The following DCBLD2 variants were observed in gnomAD, a reference collection of about 807,000 sequenced individuals.
DCBLD2 encodes the protein discoidin, CUB and LCCL domain-containing protein 2.
In DCBLD2, 54 loss-of-function variants were observed where a neutral mutation model predicts 86.8. That is an observed-to-expected ratio of 0.62 (90% CI 0.50 to 0.78). The LOEUF (loss-of-function observed/expected upper bound fraction) is 0.78. DCBLD2 is among the 30% of genes least tolerant of loss of function. The probability of loss-of-function intolerance (pLI) is 0.00; values close to 1 mark genes in which losing one functional copy is unlikely to be tolerated. For synonymous variants in DCBLD2, 354 were observed against 341.3 expected (o/e 1.04, Z -0.41); for missense variants, 908 against 954.2 (o/e 0.95, Z 0.64).
At chr3:98,850,752 C>T (rs1362146936) in intron 2 of DCBLD2, among the ~76,000 whole-genome samples, 1 of 149,638 alleles carries the variant, frequency 6.7e-6, no homozygotes, top group African/African-American at 2.5e-5. Flanking sequence ...ACAAATAAAA[C>T]AAAACAAAAC....
intron 3 of DCBLD2, among the ~76,000 whole-genome samples, chr3:98,831,116 G>GAGTGC (rs1381545670): frequency 6.6e-6 from 1 of 151,624 alleles, no homozygotes; most frequent in African/African-American, 2.4e-5. Flanking sequence ...GCCCAGGCTG[G>GAGTGC]AGTGCAGTGC....
chr3:98,876,677 A>G (rs1167430857), intron 2 of DCBLD2, among the ~76,000 whole-genome samples: 3 of 151,708 alleles, frequency 2.0e-5, no homozygotes, highest in Non-Finnish European at 2.9e-5. Flanking sequence ...CTTTTGACTC[A>G]GCAATCACTT....
chr3:98,851,166 C>T (rs1372273610), intron 2 of DCBLD2, among the ~76,000 whole-genome samples: 1 of 152,180 alleles, frequency 6.6e-6, no homozygotes, highest in Non-Finnish European at 1.5e-5. Flanking sequence ...TCTTTGTTTG[C>T]AGATGACATG....
At chr3:98,804,061 A>C (rs1468425276) in intron 13 of DCBLD2, among the ~76,000 whole-genome samples, 5 of 152,212 alleles carry the variant, frequency 3.3e-5, no homozygotes, top group Non-Finnish European at 7.3e-5. Flanking sequence ...CTGGCCTCAT[A>C]AAATGAGTTA....
chr3:98,847,063 C>G (rs539329602), intron 3 of DCBLD2, among the ~76,000 whole-genome samples: 1 of 152,124 alleles, frequency 6.6e-6, no homozygotes, highest in African/African-American at 2.4e-5. Flanking sequence ...ATAAGTAAAA[C>G]TTAAAGGACG....
intron 2 of DCBLD2, among the ~76,000 whole-genome samples, chr3:98,862,021 T>TA (rs1943053606): frequency 6.6e-6 from 1 of 151,554 alleles, no homozygotes; most frequent in Non-Finnish European, 1.5e-5. Flanking sequence ...ATAGACGCAA[T>TA]AAAAAATGAT....
At chr3:98,867,922 C>T (rs1013824067) in intron 2 of DCBLD2, among the ~76,000 whole-genome samples, 5 of 151,998 alleles carry the variant, frequency 3.3e-5, no homozygotes, top group African/African-American at 1.2e-4. Context: ...CCTGCCTCAG[C>T]CTCCTGCATA....
intron 9 of DCBLD2, chr3:98,812,782 C>T (rs1941960017): frequency 4.9e-6 from 1 of 203,498 alleles, no homozygotes; most frequent in Admixed American, 5.8e-5. Flanking sequence ...TCCAGTGAGA[C>T]AATTTATCCT....
intron 9 of DCBLD2, chr3:98,815,668 TA>T (rs1559771624): frequency 6.6e-6 from 1 of 152,010 alleles, no homozygotes; most frequent in African/African-American, 2.4e-5. Context: ...GTTCCAGAGA[TA>T]GAGAAAAGCA....
chr3:98,811,471 T>C lies in DCBLD2; in HGVS notation c.1447A>G (p.Lys483Glu), dbSNP rs1185108366. ...KNTTAPPKIA[K>E]GRAPKFTQPL... ...CTCACATTAAAAACAGGCATACCTT[T>C]GGCTATTTTTGGAGGGGCTGTAGTG... Residue 483 changes from lysine to glutamate, a missense_variant, in exon 11 of 16, where the codon AAA becomes GAA. Transcript: ENST00000326840. 6.2e-7 allele frequency: 1 copy of C among 1,613,526 alleles called. No homozygotes were observed. The highest frequency in any genetic ancestry group is 1.3e-5 in the African/African-American group (1 of 74,914).
chr3:98,860,536 C>T (rs552115384), intron 2 of DCBLD2, among the ~76,000 whole-genome samples: 2 of 152,202 alleles, frequency 1.3e-5, no homozygotes, highest in African/African-American at 2.4e-5. Context: ...TCAGGAGAAA[C>T]TCTACAAGCC....
rs768284877 is a variant in DCBLD2, at chr3:98,819,359, T to G, written c.930A>C (p.Ala310=). ...GGTCAGTCCACTCCAGCACAGATGA[T>G]GCTGTTATTTGAGGATCCGCGATCA... ...SGVIADPQIT[A]SSVLEWTDHT... is the part of the protein sequence containing the mutation. Residue 310 remains alanine, a synonymous_variant, in exon 8 of 16, where the codon GCA becomes GCC. Coordinates refer to ENST00000326840, the MANE Select transcript of DCBLD2 (RefSeq NM_080927.4). 1 of 1,613,788 alleles carries G rather than the reference T, an allele frequency of 6.2e-7. No homozygotes were observed. Among genetic ancestry groups the G allele is most frequent in the East Asian group, 2.2e-5 (1 of 44,874 alleles).
chr3:98,827,882 A>C (rs894656673), intron 3 of DCBLD2, among the ~76,000 whole-genome samples: 5 of 152,254 alleles, frequency 3.3e-5, no homozygotes, highest in African/African-American at 1.2e-4. Flanking sequence ...ATAAGTCATC[A>C]TAATCAAAGG....
chr3:98,849,169 C>CA (rs11328978), intron 3 of DCBLD2, among the ~76,000 whole-genome samples: 3 of 143,242 alleles, frequency 2.1e-5, no homozygotes, highest in African/African-American at 7.7e-5. Flanking sequence ...AACTCTGTCT[C>CA]AAAAAAAAAA....
intron 13 of DCBLD2, among the ~76,000 whole-genome samples, chr3:98,806,367 TCTG>T (rs1211713235): frequency 6.6e-6 from 1 of 152,236 alleles, no homozygotes; most frequent in Non-Finnish European, 1.5e-5. Flanking sequence ...AAAATTAGCT[TCTG>T]CTGCTGCGGG....
chr3:98,866,392 G>A (rs945620569), intron 2 of DCBLD2, among the ~76,000 whole-genome samples: 27 of 152,178 alleles, frequency 1.8e-4, no homozygotes, highest in Non-Finnish European at 2.8e-4. Flanking sequence ...ACTTTTTAAT[G>A]ATCACCATTC....
At chr3:98,799,878 C>G in intron 15 of DCBLD2, 37 bp from the exon 16 acceptor site, 1 of 1,524,826 alleles carries the variant, frequency 6.6e-7, no homozygotes. Context: ...AGTCATTTTA[C>G]TAGTAAAGAG....
rs150228086 is a variant in DCBLD2 at position 98,896,326 on chromosome 3, C to G, written c.205+4796G>C. Among the ~76,000 whole-genome samples, 822 of 152,230 alleles carry G rather than the reference C, an allele frequency of 5.4e-3. 7 individuals carry two copies. Among genetic ancestry groups the G allele is most frequent in the African/African-American group, 0.019 (778 of 41,544 alleles). On this transcript the variant is annotated intron_variant, in intron 1 of 15. Transcript: ENST00000326840. ...TGAAAAATTAGCCTGATATTTGTTT[C>G]TAAACTAACATTTTGAACTGAAATA...
rs1553731646 is a variant in DCBLD2 at position 98,870,743 on chromosome 3, A to AAGAAAGAAAGAAAGAAAG, written c.433+10779_433+10796dup. 9.5e-3 allele frequency among the ~76,000 whole-genome samples: 782 copies of AAGAAAGAAAGAAAGAAAG among 82,728 alleles called. 12 individuals are homozygous for AAGAAAGAAAGAAAGAAAG. Among genetic ancestry groups the AAGAAAGAAAGAAAGAAAG allele is most frequent in the South Asian group, 0.016 (30 of 1,854 alleles). The allele number at this position is 82,728 out of a possible 152,430, so 54.3% of individuals were successfully genotyped here. On this transcript the variant is annotated intron_variant, in intron 2 of 15. Transcript: ENST00000326840. ...AAGGAAAAGAAAAGAAAGAAAAAGA[A>AAGAAAGAAAGAAAGAAAG]AGAAAGAAAGAAAGAAAGAAAGAAA...
Sources: allele counts gnomAD v4.1 joint callset (sites outside exome capture counted in the v4.1 genomes callset), GRCh38; gene constraint gnomAD v4.1.1; transcripts MANE v1.5; gene names NCBI Gene and HGNC (gene_info 2026-07-23, HGNC 2026-07-21).